The following PTBP1 variants were observed in gnomAD, a reference collection of about 807,000 sequenced individuals.
PTBP1 encodes the protein polypyrimidine tract-binding protein 1.
Under a neutral mutation model 59.8 loss-of-function variants are expected in PTBP1, and 8 were observed. The observed-to-expected ratio is 0.13, with a 90% CI of 0.08 to 0.24. PTBP1 has a LOEUF of 0.24. PTBP1 is among the 10% of genes least tolerant of loss of function. The pLI is 1.00. For missense variants in PTBP1, 686 were observed against 767.0 expected, an observed-to-expected ratio of 0.89 and a Z score of 1.25; for synonymous variants, 490 against 320.7, an observed-to-expected ratio of 1.53 and a Z score of -5.64.
chr19:802,009 A>C (rs1033768685), intron 2 of PTBP1, among the ~76,000 whole-genome samples: 3 of 152,216 alleles, frequency 2.0e-5, no homozygotes, highest in African/African-American at 7.2e-5. Context: ...GGGACTGAAC[A>C]GGTGCCATTT....
intron 10 of PTBP1, chr19:807,568 A>G (rs1189070715): frequency 7.5e-6 from 3 of 401,526 alleles, no homozygotes; most frequent in Admixed American, 4.5e-5. Flanking sequence ...CCCTTTCCCT[A>G]TTTTTTTTCT....
chr19:801,362 C>G (rs942908156), intron 2 of PTBP1, among the ~76,000 whole-genome samples: 1 of 152,258 alleles, frequency 6.6e-6, no homozygotes, highest in African/African-American at 2.4e-5. Context: ...CTGAGCCAAG[C>G]CGGCCTGTGC....
Position 808,674 on chromosome 19 carries a change from T to C in PTBP1, c.1375T>C (p.Ser459Pro). Residue 459 changes from serine to proline, a missense_variant, in exon 13 of 15, where the codon TCA becomes CCA. By Grantham distance (74) the Ser-to-Pro change is moderately conservative. Transcript: ENST00000356948. The surrounding 1 kb of genome is among the most constrained non-coding windows in gnomAD (Gnocchi z 4.7). ...DQGLTKDYGN[S>P]PLHRFKKPGS... ...GGGCCTGACCAAGGACTACGGCAAC[T>C]CACCCCTGCACCGCTTCAAGAAGCC... 6.2e-7 allele frequency: 1 copy of C among 1,612,708 alleles called. No individual in the cohort carries two copies. Among genetic ancestry groups the C allele is most frequent in the Non-Finnish European group, 8.5e-7 (1 of 1,179,948 alleles).
At chr19:806,629 G>T in intron 10 of PTBP1, 73 bp downstream of exon 10, 2 of 1,397,336 alleles carry the variant, frequency 1.4e-6, no homozygotes, top group Non-Finnish European at 1.9e-6. Flanking sequence ...TCGGGCTCGG[G>T]TCCCGGAGCA....
At chr19:803,810 G>T (rs1254327069) in intron 3 of PTBP1, among the ~76,000 whole-genome samples, 174 bp downstream of exon 3, 1 of 152,194 alleles carries the variant, frequency 6.6e-6, no homozygotes, top group African/African-American at 2.4e-5. Flanking sequence ...GCGCTGGATG[G>T]ATGGTCCAGG....
chr19:810,837 C>A lies in PTBP1; in HGVS notation c.*11C>A. On this transcript the variant is annotated 3_prime_UTR_variant, in exon 15 of 15. Coordinates refer to ENST00000356948, the MANE Select transcript of PTBP1 (RefSeq NM_002819.5). ...AAGTCCACCATCTAGGGGCACAGGC[C>A]CCCACGGCCGGGCCCCCTGGCGACA... The A allele has an allele frequency of 6.5e-7, 1 of 1,529,416 alleles. No individual in the cohort carries two copies. Among genetic ancestry groups the A allele is most frequent in the Non-Finnish European group, 8.7e-7 (1 of 1,147,178 alleles). The allele number at this position is 1,529,416 out of a possible 1,614,324, so 94.7% of individuals were successfully genotyped here. A position where few individuals can be genotyped will look rare whatever the true frequency, so the allele number is the denominator to read the frequency against.
intron 1 of PTBP1, 196 bp from the exon 2 acceptor site, chr19:799,217 C>A (rs556066230): frequency 2.9e-6 from 2 of 678,482 alleles, no homozygotes; most frequent in South Asian, 3.2e-5. Context: ...GGCCCCTTTT[C>A]AAGTTGCAGT....
chr19:805,825 C>T (rs1335985295), intron 9 of PTBP1: 9 of 520,080 alleles, frequency 1.7e-5, no homozygotes, highest in South Asian at 2.1e-5. Context: ...GTCTGGTTCC[C>T]TTCAAGCACC....
rs1429616916 is a variant in PTBP1, at chr19:810,534, C to A, written c.1464-9C>A. 2 of 1,612,374 alleles carry A rather than the reference C, an allele frequency of 1.2e-6. No homozygotes were observed. The highest frequency in any genetic ancestry group is 8.5e-7 in the Non-Finnish European group (1 of 1,179,606). On this transcript the variant is annotated splice_polypyrimidine_tract_variant and intron_variant, in intron 13 of 14. Transcript: ENST00000356948. ...GCGGCCCCAGGCTCACGCCTTTCTC[C>A]TCCCACAGGCCCTCAGTCTCCGAGG...
At chr19:805,239 G>A (rs556858182) in intron 8 of PTBP1, 52 bp downstream of exon 8, 29 of 1,588,540 alleles carry the variant, frequency 1.8e-5, no homozygotes, top group Admixed American at 3.4e-5. Flanking sequence ...TATTAGGGCC[G>A]CTCAGTCCGG....
intron 2 of PTBP1, 35 bp from the exon 3 acceptor site, chr19:803,526 G>C: frequency 3.1e-6 from 5 of 1,588,878 alleles, no homozygotes; most frequent in Non-Finnish European, 3.5e-6. Context: ...TGGCCTGGTG[G>C]GAAGTGCAGC....
chr19:805,575 C>CA lies in PTBP1; in HGVS notation c.970+9dup. ...TGCCATTCCTCAAGCTGCAGGTATTCAAACGCTTGGTCTTGGTTCCCCAGC... is the reference window on the plus strand; with the variant it reads ...TGCCATTCCTCAAGCTGCAGGTATTCAAAACGCTTGGTCTTGGTTCCCCAGC... On this transcript the variant is annotated splice_region_variant and intron_variant, in intron 9 of 14. Coordinates refer to ENST00000356948, the MANE Select transcript of PTBP1 (RefSeq NM_002819.5). 6.2e-7 allele frequency: 1 copy of CA among 1,612,154 alleles called. No homozygotes were observed. Among genetic ancestry groups the CA allele is most frequent in the Non-Finnish European group, 8.5e-7 (1 of 1,178,256 alleles).
chr19:805,230 A>G (rs754184092), intron 8 of PTBP1, 43 bp downstream of exon 8: 41 of 1,603,018 alleles, frequency 2.6e-5, no homozygotes, highest in Admixed American at 3.4e-5. Flanking sequence ...AGAGTGGTCT[A>G]TTAGGGCCGC....
chr19:803,701 C>A, intron 3 of PTBP1, 65 bp downstream of exon 3: 1 of 1,414,342 alleles, frequency 7.1e-7, no homozygotes, highest in Non-Finnish European at 1.0e-6. Context: ...ACGTTACGTT[C>A]TTGTTCTGGG....
chr19:799,257 T>G, intron 1 of PTBP1, 156 bp from the exon 2 acceptor site: 1 of 780,622 alleles, frequency 1.3e-6, no homozygotes, highest in Non-Finnish European at 2.3e-6. Flanking sequence ...CCTGCCCTTC[T>G]GAGCTTTCTC....
chr19:802,923 C>G (rs527962140), intron 2 of PTBP1, among the ~76,000 whole-genome samples: 1 of 152,348 alleles, frequency 6.6e-6, no homozygotes, highest in African/African-American at 2.4e-5. Context: ...CTCCCCCGGC[C>G]CTAGTCACGG....
rs372458117 is a variant in PTBP1 at position 806,561 on chromosome 19, G to C, written c.1119+5G>C. 2.0e-6 allele frequency: 3 copies of C among 1,497,408 alleles called. No homozygotes were observed. The African/African-American group carries it at 4.4e-5, about 22-fold the overall frequency. The allele number at this position is 1,497,408 out of a possible 1,614,324, so 92.8% of individuals were successfully genotyped here. On this transcript the variant is annotated splice_donor_5th_base_variant and intron_variant, in intron 10 of 14. Coordinates refer to ENST00000356948, the MANE Select transcript of PTBP1 (RefSeq NM_002819.5). ...GTCAGCAACCTCAACCCAGAGGTAC[G>C]TGGGCTTTTCCTCCGCGCCGCCGTT...
chr19:804,847 A>G lies in PTBP1; in HGVS notation c.625A>G (p.Thr209Ala), dbSNP rs1362421789. The G allele has an allele frequency of 1.2e-6, 2 of 1,613,826 alleles. No individual in the cohort carries two copies. The highest frequency in any genetic ancestry group is 1.7e-6 in the Non-Finnish European group (2 of 1,179,896). ...CCTGCAGATTTTCTCCAAGTTCGGC[A>G]CAGTGTTGAAGATCATCACCTTCAC... ...VLHQIFSKFG[T>A]VLKIITFTKN... The change falls in exon 7 of 15, where the codon ACA (threonine) becomes GCA (alanine). Residue 209 changes from threonine (T) to alanine (A), a missense_variant. By Grantham distance (58) the Thr-to-Ala change is moderately conservative. Coordinates refer to ENST00000356948, the MANE Select transcript of PTBP1 (RefSeq NM_002819.5).
chr19:804,678 T>A lies in PTBP1; in HGVS notation c.582T>A (p.Pro194=). ...TCATCGTGGAGAACCTCTTCTACCC[T>A]GTGACCCTGGATGTGCTGCACCAGG... ...LRIIVENLFY[P]VTLDVLHQIF... Residue 194 remains proline (P), a synonymous_variant, in exon 6 of 15, where the codon CCT becomes CCA. Coordinates refer to ENST00000356948, the MANE Select transcript of PTBP1 (RefSeq NM_002819.5). 1 of 1,612,670 alleles carries A rather than the reference T, an allele frequency of 6.2e-7. No individual in the cohort carries two copies. The highest frequency in any genetic ancestry group is 8.5e-7 in the Non-Finnish European group (1 of 1,179,368).
Sources: gnomAD v4.1 joint callset for allele counts (sites outside exome capture counted in the v4.1 genomes callset) on GRCh38, gnomAD v4.1.1 for gene constraint, Gnocchi (gnomAD v3.1) non-coding constraint, MANE v1.5 for transcripts, NCBI Gene and HGNC (gene_info 2026-07-23, HGNC 2026-07-21) for gene names.